Variants in IRAK4 observed in about 807,000 individuals in gnomAD.
IRAK4 encodes the protein interleukin-1 receptor-associated kinase 4.
A neutral mutation model predicts 51.8 loss-of-function variants in IRAK4; 44 were observed. The observed-to-expected ratio is 0.85, with a 90% CI of 0.67 to 1.09. IRAK4 has a LOEUF of 1.09. Among genes scored for constraint, IRAK4 ranks in the 50% least tolerant of loss-of-function variants. The pLI, the probability that IRAK4 is intolerant of heterozygous loss-of-function variation, is 0.00. For missense variants in IRAK4, 487 were observed against 538.0 expected, an observed-to-expected ratio of 0.91 and a Z score of 0.94; for synonymous variants, 149 against 174.1, an observed-to-expected ratio of 0.86 and a Z score of 1.13.
chr12:43,777,731 G>GTTC lies in IRAK4; in HGVS notation c.818_819insTTC (p.Arg273delinsSerSer). 6.2e-7 allele frequency: 1 copy of GTTC among 1,611,336 alleles called. No homozygotes were observed. The highest frequency in any genetic ancestry group is 1.7e-5 in the Admixed American group (1 of 59,998). On this transcript the variant is annotated protein_altering_variant, in exon 7 of 12. Coordinates refer to ENST00000613694, the MANE Select transcript of IRAK4 (RefSeq NM_016123.4). The stretch of plus-strand genomic sequence containing the variant: ...ATGCCTAATGGTTCATTGCTAGACA[G>GTTC]ACTCTCTTGCTTGGTAAGCTATTTG...
intron 1 of IRAK4, among the ~76,000 whole-genome samples, chr12:43,764,873 A>G (rs1009490707): frequency 2.6e-5 from 4 of 152,214 alleles, no homozygotes; most frequent in Non-Finnish European, 5.9e-5. Context: ...TAATAAGCAG[A>G]TGTTACCATT....
Position 43,773,022 on chromosome 12 carries a change from T to G in IRAK4, c.601T>G (p.Tyr201Asp), listed in dbSNP as rs1278893784. 2 of 1,613,250 alleles carry G rather than the reference T, an allele frequency of 1.2e-6. No individual in the cohort carries two copies. Among genetic ancestry groups the G allele is most frequent in the Non-Finnish European group, 8.5e-7 (1 of 1,179,434 alleles). ...GGGAGAGGGAGGATTTGGAGTTGTA[T>G]ATAAAGGCTACGTAAATAACACAAC... ...KMGEGGFGVV[Y>D]KGYVNNTTVA... The change falls in exon 5 of 12, where the codon TAT (tyrosine) becomes GAT (aspartate). Residue 201 changes from tyrosine to aspartate, a missense_variant. Tyr to Asp is a radical substitution (Grantham distance 160). Transcript: ENST00000613694.
rs1323497910 is a variant in IRAK4 at position 43,766,857 on chromosome 12, G to A, written c.-9-1246G>A. Among the ~76,000 whole-genome samples the A allele has an allele frequency of 2.0e-5, 3 of 152,164 alleles. No individual in the cohort carries two copies. The East Asian group carries it at 5.8e-4, about 29-fold the overall frequency. ...AAAATTAGCATGGTCCTGAACTCAT[G>A]GATCTTAAAATCGAATATGGGAGAC... is the stretch of plus-strand genomic sequence containing the variant. On this transcript the variant is annotated intron_variant, in intron 1 of 11. Transcript: ENST00000613694.
chr12:43,764,912 A>G (rs372993171), intron 1 of IRAK4, among the ~76,000 whole-genome samples: 1 of 152,194 alleles, frequency 6.6e-6, no homozygotes, highest in Non-Finnish European at 1.5e-5. Context: ...TCAGCAAGCA[A>G]AATACCTTGA....
intron 1 of IRAK4, chr12:43,759,357 T>C (rs1592197527): frequency 6.6e-6 from 1 of 152,258 alleles, no homozygotes; most frequent in African/African-American, 2.4e-5. Flanking sequence ...AAGTCTCTTT[T>C]CCCCAGAACC....
chr12:43,775,167 A>G (rs1941152198), intron 6 of IRAK4, among the ~76,000 whole-genome samples: 1 of 152,230 alleles, frequency 6.6e-6, no homozygotes, highest in African/African-American at 2.4e-5. Context: ...GAATTGATTT[A>G]TGCACGGTAA....
Position 43,786,430 on chromosome 12 carries a change from A to C in IRAK4, c.1220A>C (p.Glu407Ala). The change falls in exon 11 of 12, where the codon GAA becomes GCA. Residue 407 changes from glutamate (E) to alanine (A), a missense_variant. Transcript: ENST00000613694. ...LDIKEEIEDE[E>A]KTIEDYIDKK... ...ATTAAAGAAGAAATTGAAGATGAAG[A>C]AAAGACAATTGAAGATTATATTGAT... The C allele has an allele frequency of 6.2e-7, 1 of 1,600,388 alleles. No homozygotes were observed. Among genetic ancestry groups the C allele is most frequent in the Non-Finnish European group, 8.5e-7 (1 of 1,173,644 alleles).
chr12:43,767,997 T>A, intron 1 of IRAK4, 106 bp from the exon 2 acceptor site: 3 of 762,884 alleles, frequency 3.9e-6, no homozygotes. Context: ...TATGGTATAA[T>A]CAGTTGCTGA....
chr12:43,782,629 A>C, intron 9 of IRAK4, 139 bp downstream of exon 9: 1 of 707,174 alleles, frequency 1.4e-6, no homozygotes, highest in Non-Finnish European at 2.3e-6. Flanking sequence ...CTCTACTTAT[A>C]CCAGAAAGTT....
In IRAK4 at chr12:43,786,869, A is replaced by G. The variant is rs1565690260; in HGVS notation, c.*154A>G. ...AAAGCATGGGTTGAACTTCCAAAAT[A>G]TAAAAATAGAGCCACCATATCAACA... is the stretch of plus-strand genomic sequence containing the variant. On this transcript the variant is annotated 3_prime_UTR_variant, in exon 12 of 12. Transcript: ENST00000613694. The G allele has an allele frequency of 1.5e-6, 1 of 662,554 alleles. No homozygotes were observed. Among genetic ancestry groups the G allele is most frequent in the African/African-American group, 1.8e-5 (1 of 54,652 alleles). 41.0% of individuals were successfully genotyped at this position (662,554 alleles called of 1,614,324 possible).
Position 43,777,628 on chromosome 12 carries a change from A to C in IRAK4, c.717-2A>C, listed in dbSNP as rs1406417068. The C allele has an allele frequency of 6.2e-7, 1 of 1,600,002 alleles. No individual in the cohort carries two copies. Among genetic ancestry groups the C allele is most frequent in the East Asian group, 2.2e-5 (1 of 44,486 alleles). On this transcript the variant is annotated splice_acceptor_variant, in intron 6 of 11. Coordinates refer to ENST00000613694, the MANE Select transcript of IRAK4 (RefSeq NM_016123.4). LOFTEE classifies it high-confidence loss of function. ...TTTTGCATGAAAAATTATTTGTCAC[A>C]GGTGTCAACATGAAAACTTAGTAGA...
chr12:43,775,821 A>G (rs1941208052), intron 6 of IRAK4, among the ~76,000 whole-genome samples: 1 of 151,018 alleles, frequency 6.6e-6, no homozygotes, highest in Non-Finnish European at 1.5e-5. Context: ...ACTACCAGCA[A>G]TGTATTACAA....
intron 8 of IRAK4, among the ~76,000 whole-genome samples, chr12:43,778,785 G>A (rs1941524465): frequency 6.6e-6 from 1 of 151,454 alleles, no homozygotes; most frequent in South Asian, 2.1e-4. Context: ...TATATTATAT[G>A]TATTATTATT....
intron 6 of IRAK4, 101 bp downstream of exon 6, chr12:43,774,130 A>C (rs1482911357): frequency 1.3e-6 from 1 of 782,148 alleles, no homozygotes; most frequent in East Asian, 2.6e-5. Context: ...TGATGTTTGC[A>C]CATATATGAA....
chr12:43,764,828 C>T (rs1341228246), intron 1 of IRAK4, among the ~76,000 whole-genome samples: 1 of 152,196 alleles, frequency 6.6e-6, no homozygotes, highest in African/African-American at 2.4e-5. Context: ...AGTTTAGAAA[C>T]ACTTAGAAAA....
At chr12:43,767,070 G>C (rs1838341) in intron 1 of IRAK4, among the ~76,000 whole-genome samples, 9,350 of 152,152 alleles carry the variant, frequency 0.061, 294 homozygotes, top group Middle Eastern at 0.14. Flanking sequence ...GATAGTTTTA[G>C]AATGTTGTTC....
chr12:43,770,343 T>C (rs1940617394), intron 2 of IRAK4, among the ~76,000 whole-genome samples: 1 of 152,154 alleles, frequency 6.6e-6, no homozygotes, highest in South Asian at 2.1e-4. Context: ...ATCAGAGTCT[T>C]AAGTCATGTG....
intron 1 of IRAK4, 110 bp from the exon 2 acceptor site, chr12:43,767,993 A>G (rs1449786358): frequency 4.0e-6 from 3 of 749,304 alleles, no homozygotes; most frequent in South Asian, 3.2e-5. Flanking sequence ...TTATTATGGT[A>G]TAATCAGTTG....
At chr12:43,760,791 A>AC (rs1439729747) in intron 1 of IRAK4, 1 of 152,128 alleles carries the variant, frequency 6.6e-6, no homozygotes, top group African/African-American at 2.4e-5. Context: ...TTCACTTGGC[A>AC]CCATCTAACA....
Sources: allele counts gnomAD v4.1 joint callset (sites outside exome capture counted in the v4.1 genomes callset), GRCh38; gene constraint gnomAD v4.1.1; transcripts MANE v1.5; gene names NCBI Gene and HGNC (gene_info 2026-07-23, HGNC 2026-07-21).